Variants in ABCB5 observed in about 807,000 individuals in gnomAD.
ABCB5 encodes ATP binding cassette subfamily B member 5.
In ABCB5, 155 loss-of-function variants were observed where a neutral mutation model predicts 144.2. That is an observed-to-expected ratio of 1.08 (90% CI 0.94 to 1.23). ABCB5 has a LOEUF of 1.23. Among genes scored for constraint, ABCB5 ranks in the 50% most tolerant of loss-of-function variants. The probability of loss-of-function intolerance (pLI) is 0.00; values close to 1 mark genes in which losing one functional copy is unlikely to be tolerated. For synonymous variants in ABCB5, 610 were observed against 528.6 expected, an observed-to-expected ratio of 1.15 and a Z score of -2.11; for missense variants, 1,830 against 1,520.8, an observed-to-expected ratio of 1.20 and a Z score of -3.38.
At chr7:20,727,381 A>G (rs946614686) in intron 22 of ABCB5, among the ~76,000 whole-genome samples, 4 of 152,238 alleles carry the variant, frequency 2.6e-5, no homozygotes, top group Admixed American at 6.5e-5. Flanking sequence ...GTTACTAAGT[A>G]TGCACATTTT....
intron 5 of ABCB5, among the ~76,000 whole-genome samples, chr7:20,639,793 A>G (rs1784253510): frequency 6.6e-6 from 1 of 152,040 alleles, no homozygotes; most frequent in South Asian, 2.1e-4. Flanking sequence ...AAGTTCTCCA[A>G]ATTTGTTCTT....
intron 5 of ABCB5, among the ~76,000 whole-genome samples, chr7:20,637,232 C>A (rs964821634): frequency 7.2e-5 from 11 of 152,054 alleles, no homozygotes; most frequent in Non-Finnish European, 1.3e-4. Flanking sequence ...CTGTTATTTT[C>A]CAAAGAAAGT....
chr7:20,746,788 A>G (rs994472875), intron 26 of ABCB5, among the ~76,000 whole-genome samples: 10 of 152,224 alleles, frequency 6.6e-5, no homozygotes, highest in Non-Finnish European at 4.4e-5. Flanking sequence ...ACATACACAC[A>G]CATAAAATAA....
intron 23 of ABCB5, among the ~76,000 whole-genome samples, chr7:20,732,836 T>C (rs1241015818): frequency 6.6e-6 from 1 of 152,190 alleles, no homozygotes; most frequent in Non-Finnish European, 1.5e-5. Context: ...CGAAGAATGA[T>C]ACAACCTCAA....
rs946779190 is a variant in ABCB5, at chr7:20,628,601, G to C, written c.109-87G>C. On this transcript the variant is annotated intron_variant, in intron 3 of 27. Coordinates refer to ENST00000404938, the MANE Select transcript of ABCB5 (RefSeq NM_001163941.2). ...AAAGTCATGTTTACTAGGTGGCAAA[G>C]GCTGTAGGCTGTTGTGTGTGTGTGT... The C allele has an allele frequency of 1.3e-5, 18 of 1,399,530 alleles. No homozygotes were observed. The African/African-American group carries it at 1.4e-4, about 11-fold the overall frequency. The allele number at this position is 1,399,530 out of a possible 1,614,324, so 86.7% of individuals were successfully genotyped here. A position where few individuals can be genotyped will look rare whatever the true frequency, so the allele number is the denominator to read the frequency against.
intron 13 of ABCB5, among the ~76,000 whole-genome samples, chr7:20,655,275 C>A (rs1284630463): frequency 1.3e-5 from 2 of 152,052 alleles, no homozygotes; most frequent in Non-Finnish European, 2.9e-5. Flanking sequence ...AGTTTGTTAC[C>A]AGCCTGGACA....
chr7:20,616,301 G>T (rs764678401), intron 1 of ABCB5, among the ~76,000 whole-genome samples: 1 of 152,194 alleles, frequency 6.6e-6, no homozygotes, highest in Non-Finnish European at 1.5e-5. Context: ...CTCCCAAAGT[G>T]CTGGGATTAC....
intron 12 of ABCB5, among the ~76,000 whole-genome samples, chr7:20,650,792 C>T (rs1784559072): frequency 1.3e-5 from 2 of 152,298 alleles, no homozygotes. Context: ...CATGTGACTA[C>T]ATAAATTATT....
At chr7:20,664,262 C>T (rs1337549272) in intron 14 of ABCB5, among the ~76,000 whole-genome samples, 2 of 152,164 alleles carry the variant, frequency 1.3e-5, no homozygotes, top group South Asian at 2.1e-4. Context: ...ACCACACTCA[C>T]ACTGTCTTCT....
intron 13 of ABCB5, among the ~76,000 whole-genome samples, chr7:20,654,710 C>A (rs1457898284): frequency 6.6e-6 from 1 of 151,860 alleles, no homozygotes. Flanking sequence ...TCACAAAAAA[C>A]AATTCTAAAG....
chr7:20,666,876 A>C (rs780663733), intron 14 of ABCB5: 13 of 1,343,406 alleles, frequency 9.7e-6, no homozygotes, highest in Non-Finnish European at 1.2e-5. Flanking sequence ...ATTCTGGCTA[A>C]AAGACAGCAT....
intron 14 of ABCB5, among the ~76,000 whole-genome samples, chr7:20,676,685 C>G (rs935515664): frequency 1.3e-5 from 2 of 152,066 alleles, no homozygotes; most frequent in African/African-American, 4.8e-5. Context: ...AACATTGTGC[C>G]TATAGTTGGC....
At chr7:20,741,519 A>G (rs1293373246) in intron 24 of ABCB5, among the ~76,000 whole-genome samples, 1 of 152,162 alleles carries the variant, frequency 6.6e-6, no homozygotes, top group Non-Finnish European at 1.5e-5. Flanking sequence ...CACTACACTA[A>G]AATAAACGAC....
chr7:20,691,755 A>T (rs1786239699), intron 16 of ABCB5, among the ~76,000 whole-genome samples: 1 of 152,138 alleles, frequency 6.6e-6, no homozygotes, highest in South Asian at 2.1e-4. Flanking sequence ...AACAAATCCT[A>T]ATAGCAAGAC....
intron 14 of ABCB5, among the ~76,000 whole-genome samples, chr7:20,669,328 C>T (rs1252310652): frequency 6.8e-5 from 10 of 147,058 alleles, no homozygotes; most frequent in Admixed American, 2.7e-4. Flanking sequence ...GGATGGTTGC[C>T]GGGTCTGTGT....
At chr7:20,638,639 G>A (rs1430545551) in intron 5 of ABCB5, among the ~76,000 whole-genome samples, 1 of 152,102 alleles carries the variant, frequency 6.6e-6, no homozygotes, top group African/African-American at 2.4e-5. Context: ...GGCTTCTTTT[G>A]TTTGGCATAC....
At position 20,743,275 on chromosome 7, in the gene ABCB5, A is replaced by T. The variant is rs575510252; in HGVS notation, c.3222+201A>T. Among the ~76,000 whole-genome samples the T allele has an allele frequency of 5.4e-4, 83 of 152,354 alleles. 1 individual carries two copies. The highest frequency in any genetic ancestry group is 2.0e-3 in the African/African-American group (82 of 41,578). On this transcript the variant is annotated intron_variant, in intron 25 of 27. Transcript: ENST00000404938. ...GATGGTTAGGACTCTGAAGTGAAGC[A>T]CAAAGGTCCAAAGATTCTTCAACCA... is the stretch of plus-strand genomic sequence containing the variant.
chr7:20,745,438 G>C lies in ABCB5; in HGVS notation c.3429G>C (p.Glu1143Asp), dbSNP rs1328022200. The change falls in exon 26 of 28, where the codon GAG (glutamate) becomes GAC (aspartate). Residue 1143 changes from glutamate (E) to aspartate (D), a missense_variant and splice_region_variant. Transcript: ENST00000404938. ...NIHSFIEGLP[E>D]KYNTQVGLKG... ...ATTCTTTTATTGAAGGTCTCCCTGA[G>C]GTAAGAAAATTTCTGAAATCTTGAA... 1.9e-6 allele frequency: 3 copies of C among 1,613,788 alleles called. No homozygotes were observed. In the African/African-American group the frequency reaches 4.0e-5, roughly 22 times the overall value.
At chr7:20,719,358 A>G (rs1487904883) in intron 20 of ABCB5, among the ~76,000 whole-genome samples, 2 of 152,196 alleles carry the variant, frequency 1.3e-5, no homozygotes, top group Non-Finnish European at 2.9e-5. Context: ...AGATAATTCT[A>G]CATATTTGAA....
Sources: gnomAD v4.1 joint callset for allele counts (sites outside exome capture counted in the v4.1 genomes callset) on GRCh38, gnomAD v4.1.1 for gene constraint, MANE v1.5 for transcripts, NCBI Gene and HGNC (gene_info 2026-07-23, HGNC 2026-07-21) for gene names.